Variants in PLEKHG1 observed in about 807,000 individuals in gnomAD.
The protein encoded by PLEKHG1 is pleckstrin homology and RhoGEF domain containing G1.
PLEKHG1 carries 44 observed loss-of-function variants against 100.8 expected under a neutral mutation model. The ratio of observed to expected loss-of-function variants is 0.44; its 90% CI spans 0.34 to 0.56. The LOEUF (loss-of-function observed/expected upper bound fraction) is 0.56, where lower values mean the gene tolerates loss of function less well. Among genes scored for constraint, PLEKHG1 ranks in the 20% least tolerant of loss-of-function variants. The probability of loss-of-function intolerance (pLI) is 0.01; values close to 1 mark genes in which losing one functional copy is unlikely to be tolerated. For synonymous variants in PLEKHG1, 640 were observed against 662.5 expected (o/e 0.97, Z 0.52); for missense variants, 1,545 against 1,720.9 (o/e 0.90, Z 1.81).
At chr6:150,628,527 A>AACAC (rs565121317) in intron 1 of PLEKHG1, among the ~76,000 whole-genome samples, 5,354 of 94,726 alleles carry the variant, frequency 0.057, 205 homozygotes, top group Middle Eastern at 0.096. Flanking sequence ...TAGATAGGAA[A>AACAC]ACACACACAC....
chr6:150,691,682 G>T (rs1052958237), intron 3 of PLEKHG1, among the ~76,000 whole-genome samples: 3 of 152,194 alleles, frequency 2.0e-5, no homozygotes, highest in Admixed American at 6.5e-5. Context: ...GTCAGCTGGG[G>T]AAGAGCCTCT....
chr6:150,608,804 T>C (rs1562379741), intron 1 of PLEKHG1, among the ~76,000 whole-genome samples: 1 of 152,214 alleles, frequency 6.6e-6, no homozygotes, highest in Non-Finnish European at 1.5e-5. Context: ...AGTGTAGAAA[T>C]TGGGCAGTCT....
chr6:150,816,615 C>T (rs1009921819), intron 10 of PLEKHG1, among the ~76,000 whole-genome samples: 8 of 152,058 alleles, frequency 5.3e-5, no homozygotes, highest in Non-Finnish European at 7.4e-5. Flanking sequence ...TGAGATACCA[C>T]GCCCGGCCTC....
chr6:150,686,047 CCT>C (rs552943736), intron 3 of PLEKHG1, among the ~76,000 whole-genome samples: 4 of 152,234 alleles, frequency 2.6e-5, no homozygotes, highest in South Asian at 4.1e-4. Flanking sequence ...TGCTCCTCCC[CCT>C]GTTTCAATGC....
At chr6:150,738,003 A>G (rs1167646646) in intron 2 of PLEKHG1, among the ~76,000 whole-genome samples, 1 of 151,082 alleles carries the variant, frequency 6.6e-6, no homozygotes, top group Non-Finnish European at 1.5e-5. Flanking sequence ...TTGTAGAGAC[A>G]GGATCTCAAT....
chr6:150,825,513 A>T (rs761321928), intron 14 of PLEKHG1, among the ~76,000 whole-genome samples: 1 of 151,702 alleles, frequency 6.6e-6, no homozygotes, highest in East Asian at 1.9e-4. Context: ...CCGAAGTTGT[A>T]ATGAGCTGAG....
At chr6:150,832,187 C>G in exon 15 of PLEKHG1, 2 of 1,598,038 alleles carry the variant, frequency 1.3e-6, no homozygotes. Context: ...AGAGAAGAAG[C>G]AAGGAGGGCC....
At chr6:150,655,945 G>T (rs948198110) in intron 3 of PLEKHG1, among the ~76,000 whole-genome samples, 3 of 151,926 alleles carry the variant, frequency 2.0e-5, no homozygotes, top group Non-Finnish European at 4.4e-5. Context: ...CAGGGCCTGT[G>T]GGGGGTTGGG....
intron 3 of PLEKHG1, among the ~76,000 whole-genome samples, chr6:150,774,745 G>A (rs1784872673): frequency 6.6e-6 from 1 of 151,526 alleles, no homozygotes; most frequent in Non-Finnish European, 1.5e-5. Context: ...TCACTGTGTT[G>A]GCCAGGCTGG....
intron 2 of PLEKHG1, among the ~76,000 whole-genome samples, chr6:150,767,226 G>A (rs1030056508): frequency 2.0e-5 from 3 of 151,490 alleles, no homozygotes; most frequent in Non-Finnish European, 2.9e-5. Flanking sequence ...GGCCTTTTTT[G>A]GGCCTGTCTG....
At chr6:150,826,827 C>G (rs1415885282) in intron 14 of PLEKHG1, among the ~76,000 whole-genome samples, 1 of 152,026 alleles carries the variant, frequency 6.6e-6, no homozygotes, top group Non-Finnish European at 1.5e-5. Context: ...TTTGTAGAGA[C>G]AAGGTCTGAC....
At chr6:150,764,649 CTCCTTTTAGTG>C (rs999205064) in intron 2 of PLEKHG1, among the ~76,000 whole-genome samples, 3 of 152,148 alleles carry the variant, frequency 2.0e-5, no homozygotes, top group Non-Finnish European at 4.4e-5. Flanking sequence ...CCCTTTTCAA[CTCCTTTTAGTG>C]TCCTTTTTGT....
chr6:150,734,015 C>T, exon 2 of PLEKHG1: 3 of 1,614,180 alleles, frequency 1.9e-6, no homozygotes, highest in Non-Finnish European at 2.5e-6. Flanking sequence ...CCCCAAGCTC[C>T]TCTATGTGGA....
intron 15 of PLEKHG1, among the ~76,000 whole-genome samples, chr6:150,834,810 T>A (rs1777140356): frequency 6.6e-6 from 1 of 152,196 alleles, no homozygotes; most frequent in Admixed American, 6.5e-5. Flanking sequence ...AGTCATCTTC[T>A]GAGAGTGCTG....
At chr6:150,770,979 T>C (rs1784690187) in intron 3 of PLEKHG1, among the ~76,000 whole-genome samples, 1 of 152,184 alleles carries the variant, frequency 6.6e-6, no homozygotes, top group African/African-American at 2.4e-5. Flanking sequence ...CCTCTCTGAC[T>C]CCAAACCCCA....
intron 3 of PLEKHG1, among the ~76,000 whole-genome samples, chr6:150,698,886 C>T (rs1780655233): frequency 6.6e-6 from 1 of 152,156 alleles, no homozygotes; most frequent in African/African-American, 2.4e-5. Flanking sequence ...CTCTGAAAAA[C>T]AATTAAGTTT....
intron 2 of PLEKHG1, among the ~76,000 whole-genome samples, chr6:150,756,373 A>G (rs933186442): frequency 6.6e-6 from 1 of 152,218 alleles, no homozygotes; most frequent in Non-Finnish European, 1.5e-5. Context: ...CAACAGCAAT[A>G]TAGTCAGCGA....
At chr6:150,814,822 G>A (rs546896457) in intron 10 of PLEKHG1, among the ~76,000 whole-genome samples, 1 of 152,282 alleles carries the variant, frequency 6.6e-6, no homozygotes, top group East Asian at 1.9e-4. Context: ...CTGGGTTCAA[G>A]TATTCTTGTG....
At chr6:150,660,124 G>A (rs573171853) in intron 3 of PLEKHG1, among the ~76,000 whole-genome samples, 179 of 151,266 alleles carry the variant, frequency 1.2e-3, no homozygotes, top group African/African-American at 3.9e-3. Context: ...TGGCCAGGCC[G>A]GTCTTGAACT....
Sources: allele counts gnomAD v4.1 joint callset (sites outside exome capture counted in the v4.1 genomes callset), GRCh38; gene constraint gnomAD v4.1.1; transcripts MANE v1.5; gene names NCBI Gene and HGNC (gene_info 2026-07-23, HGNC 2026-07-21).